Variants in PARM1 observed in about 807,000 individuals in gnomAD.
The protein encoded by PARM1 is WSC4, cell wall integrity and stress response component 4 homolog.
A neutral mutation model predicts 24.6 loss-of-function variants in PARM1; 14 were observed. The ratio of observed to expected loss-of-function variants is 0.57; its 90% CI spans 0.38 to 0.89. PARM1 has a LOEUF of 0.89. Among genes scored for constraint, PARM1 ranks in the 40% least tolerant of loss-of-function variants. PARM1 has a pLI of 0.00. For synonymous variants in PARM1, 179 were observed against 156.6 expected (o/e 1.14, Z -1.07); for missense variants, 362 against 380.4 (o/e 0.95, Z 0.40).
intron 2 of PARM1, among the ~76,000 whole-genome samples, chr4:75,021,950 T>C (rs1279295991): frequency 6.6e-6 from 1 of 152,240 alleles, no homozygotes; most frequent in Non-Finnish European, 1.5e-5. Flanking sequence ...GGTGGAACTA[T>C]TTATTTTCCT....
intron 1 of PARM1, among the ~76,000 whole-genome samples, chr4:74,990,094 G>T (rs926357825): frequency 6.6e-6 from 1 of 152,132 alleles, no homozygotes; most frequent in African/African-American, 2.4e-5. Flanking sequence ...AGAGACTAAG[G>T]CATCATAGAT....
chr4:74,942,505 C>T (rs185843781), intron 1 of PARM1, among the ~76,000 whole-genome samples: 1 of 152,372 alleles, frequency 6.6e-6, no homozygotes, highest in African/African-American at 2.4e-5. Flanking sequence ...CCCTAGGGGG[C>T]TTATCTAAAG....
At position 75,047,851 on chromosome 4, in the gene PARM1, G is replaced by A. The variant is rs1723638870; in HGVS notation, c.*1604G>A. 1 of 152,182 alleles carries A rather than the reference G, an allele frequency of 6.6e-6. No individual in the cohort carries two copies. Among genetic ancestry groups the A allele is most frequent in the Admixed American group, 6.5e-5 (1 of 15,272 alleles). The allele number at this position is 152,182 out of a possible 1,614,324, so 9.4% of individuals were successfully genotyped here. A position where few individuals can be genotyped will look rare whatever the true frequency, so the allele number is the denominator to read the frequency against. On this transcript the variant is annotated 3_prime_UTR_variant, in exon 4 of 4. Transcript: ENST00000307428. Reference sequence around the variant, plus strand: ...ATGGGTTGTTCTTGGTATGCATGGTGACCTTTTTATTTCTGTGTGCTTCCT... The same window carrying A: ...ATGGGTTGTTCTTGGTATGCATGGTAACCTTTTTATTTCTGTGTGCTTCCT...
intron 2 of PARM1, among the ~76,000 whole-genome samples, chr4:75,030,021 G>C (rs910783293): frequency 6.6e-6 from 1 of 152,144 alleles, no homozygotes; most frequent in Non-Finnish European, 1.5e-5. Flanking sequence ...AGAGATGCAA[G>C]ATGGCCATGA....
At chr4:75,001,005 C>A (rs1485418835) in intron 1 of PARM1, among the ~76,000 whole-genome samples, 1 of 152,156 alleles carries the variant, frequency 6.6e-6, no homozygotes. Flanking sequence ...GTCCTACTTT[C>A]TAACTGTGTA....
intron 2 of PARM1, 57 bp from the exon 3 acceptor site, chr4:75,033,826 C>A: frequency 7.0e-7 from 1 of 1,420,562 alleles, no homozygotes; most frequent in African/African-American, 1.4e-5. Context: ...ACGCCAAAGT[C>A]ACATGATGCC....
Position 75,049,687 on chromosome 4 carries a change from T to C in PARM1, c.*3440T>C, listed in dbSNP as rs1480404063. The C allele has an allele frequency of 2.0e-5, 3 of 152,662 alleles. No individual in the cohort carries two copies. The highest frequency in any genetic ancestry group is 2.0e-4 in the Admixed American group (3 of 15,282). The allele number at this position is 152,662 out of a possible 1,614,324, so 9.5% of individuals were successfully genotyped here. A position where few individuals can be genotyped will look rare whatever the true frequency, so the allele number is the denominator to read the frequency against. On this transcript the variant is annotated 3_prime_UTR_variant, in exon 4 of 4. Coordinates refer to ENST00000307428, the MANE Select transcript of PARM1 (RefSeq NM_015393.4). The stretch of plus-strand genomic sequence containing the variant: ...AGACGTAGACCTCTGTCCTTTACCA[T>C]CTGAGGTCTTCTGGATTCTTTGTGG...
intron 3 of PARM1, among the ~76,000 whole-genome samples, chr4:75,035,301 T>A (rs1553973706): frequency 6.6e-6 from 1 of 152,202 alleles, no homozygotes; most frequent in Non-Finnish European, 1.5e-5. Flanking sequence ...ACAAAAAATG[T>A]AAGGTCCTTG....
At chr4:75,029,098 C>T (rs192316817) in intron 2 of PARM1, among the ~76,000 whole-genome samples, 15 of 152,144 alleles carry the variant, frequency 9.9e-5, no homozygotes, top group African/African-American at 2.7e-4. Context: ...GTGTGGCGTG[C>T]GGGCCCATGG....
At chr4:75,038,109 G>T (rs977238008) in intron 3 of PARM1, among the ~76,000 whole-genome samples, 16 of 152,104 alleles carry the variant, frequency 1.1e-4, no homozygotes, top group Admixed American at 9.8e-4. Flanking sequence ...TAGAGACGGG[G>T]TTTCACCATG....
chr4:74,975,224 A>G (rs1031304099), intron 1 of PARM1, among the ~76,000 whole-genome samples: 1 of 152,218 alleles, frequency 6.6e-6, no homozygotes, highest in African/African-American at 2.4e-5. Context: ...CTCTTTAAAA[A>G]ACCAAGCATC....
chr4:74,992,627 C>T (rs569224669), intron 1 of PARM1, among the ~76,000 whole-genome samples: 1 of 152,046 alleles, frequency 6.6e-6, no homozygotes, highest in South Asian at 2.1e-4. Context: ...TAGTATAGAG[C>T]AACAAAGATA....
intron 2 of PARM1, among the ~76,000 whole-genome samples, chr4:75,025,201 A>G (rs1397672043): frequency 6.6e-6 from 1 of 152,170 alleles, no homozygotes; most frequent in Non-Finnish European, 1.5e-5. Context: ...GAGATGACCT[A>G]GGAGTTGAGA....
intron 1 of PARM1, among the ~76,000 whole-genome samples, chr4:74,959,611 G>A (rs572078382): frequency 6.6e-6 from 1 of 152,280 alleles, no homozygotes; most frequent in Admixed American, 6.5e-5. Context: ...TGTATCAGCA[G>A]CAACTCATTT....
intron 1 of PARM1, among the ~76,000 whole-genome samples, chr4:75,003,274 G>A (rs1722714351): frequency 6.7e-6 from 1 of 148,692 alleles, no homozygotes; most frequent in Non-Finnish European, 1.5e-5. Context: ...TCCCATCCTA[G>A]AAGCAGTAAG....
At position 75,012,694 on chromosome 4, in the gene PARM1, T is replaced by C; in HGVS notation, c.313T>C (p.Ser105Pro). The C allele has an allele frequency of 6.2e-7, 1 of 1,613,870 alleles. No homozygotes were observed. Among genetic ancestry groups the C allele is most frequent in the Non-Finnish European group, 8.5e-7 (1 of 1,179,856 alleles). Reference protein sequence around the residue: ...SNWEGTNTDPSPSGFSSTSGG... With the variant: ...SNWEGTNTDPPPSGFSSTSGG... ...TTGGGAAGGCACAAACACAGACCCC[T>C]CACCTTCTGGGTTCTCGTCAACAAG... The change falls in exon 2 of 4, where the codon TCA (serine) becomes CCA (proline). Residue 105 changes from serine to proline, a missense_variant. Transcript: ENST00000307428.
At chr4:75,036,647 T>C (rs2109811236) in intron 3 of PARM1, among the ~76,000 whole-genome samples, 1 of 152,332 alleles carries the variant, frequency 6.6e-6, no homozygotes, top group South Asian at 2.1e-4. Flanking sequence ...GCCATCACAG[T>C]ACTTACCATG....
intron 1 of PARM1, among the ~76,000 whole-genome samples, chr4:74,943,495 T>C (rs1721352903): frequency 6.6e-6 from 1 of 150,896 alleles, no homozygotes; most frequent in South Asian, 2.1e-4. Flanking sequence ...TCCAAAAAGC[T>C]GTAAAAAAAA....
Position 75,013,292 on chromosome 4 carries a change from G to A in PARM1, c.769+142G>A, listed in dbSNP as rs1226216211. On this transcript the variant is annotated intron_variant, in intron 2 of 3. Transcript: ENST00000307428. ...TTATAATTCACAAGAATTTCCACGA[G>A]TGCAAACTTTATTTTTAGTCACTTA... is the stretch of plus-strand genomic sequence containing the variant. The A allele has an allele frequency of 7.8e-6, 7 of 893,808 alleles. No individual in the cohort carries two copies. The Admixed American group carries it at 1.9e-4, about 25-fold the overall frequency. The allele number at this position is 893,808 out of a possible 1,614,324, so 55.4% of individuals were successfully genotyped here.
Sources: gnomAD v4.1 joint callset for allele counts (sites outside exome capture counted in the v4.1 genomes callset) on GRCh38, gnomAD v4.1.1 for gene constraint, MANE v1.5 for transcripts, NCBI Gene and HGNC (gene_info 2026-07-23, HGNC 2026-07-21) for gene names.